Variants in DCLK1 observed in about 807,000 individuals in gnomAD.
DCLK1 encodes doublecortin like kinase 1.
Under a neutral mutation model 86.2 loss-of-function variants are expected in DCLK1, and 16 were observed. That is an observed-to-expected ratio of 0.19 (90% CI 0.13 to 0.28). DCLK1 has a LOEUF of 0.28. Ranked by LOEUF, DCLK1 falls within the 10% of genes least tolerant of loss-of-function variation. The probability of loss-of-function intolerance (pLI) is 1.00; values close to 1 mark genes in which losing one functional copy is unlikely to be tolerated. For missense variants in DCLK1, 590 were observed against 940.2 expected (o/e 0.63, Z 4.87); for synonymous variants, 369 against 370.5 (o/e 1.00, Z 0.05).
At chr13:35,933,170 C>A (rs1396907246) in intron 4 of DCLK1, among the ~76,000 whole-genome samples, 2 of 152,216 alleles carry the variant, frequency 1.3e-5, no homozygotes, top group African/African-American at 4.8e-5. Flanking sequence ...CCAGGCCATG[C>A]TGATGCAAGA....
chr13:35,895,306 G>A (rs1873892463), intron 4 of DCLK1, among the ~76,000 whole-genome samples: 1 of 150,890 alleles, frequency 6.6e-6, no homozygotes, highest in East Asian at 1.9e-4. Context: ...AAAAAAATTA[G>A]ATGAAAATTC....
At chr13:35,957,207 T>G (rs1004441761) in intron 3 of DCLK1, among the ~76,000 whole-genome samples, 1 of 151,876 alleles carries the variant, frequency 6.6e-6, no homozygotes, top group Non-Finnish European at 1.5e-5. Flanking sequence ...TACAGGAATC[T>G]TGGCATGCAG....
intron 4 of DCLK1, among the ~76,000 whole-genome samples, chr13:35,883,809 G>A (rs1434224552): frequency 6.6e-6 from 1 of 152,134 alleles, no homozygotes; most frequent in Non-Finnish European, 1.5e-5. Flanking sequence ...GATTGCATAG[G>A]GGCAGGTAGA....
chr13:35,867,949 G>GAAAGAAAGAAA (rs1555345744), intron 5 of DCLK1, among the ~76,000 whole-genome samples: 73 of 140,758 alleles, frequency 5.2e-4, no homozygotes, highest in African/African-American at 1.9e-3. Flanking sequence ...AAGAAAGAAA[G>GAAAGAAAGAAA]AAAGAAAGAA....
At chr13:35,922,365 A>G (rs749342961) in intron 4 of DCLK1, among the ~76,000 whole-genome samples, 1 of 152,150 alleles carries the variant, frequency 6.6e-6, no homozygotes, top group Non-Finnish European at 1.5e-5. Context: ...GAGAAGGACC[A>G]CATATCACCC....
Position 35,887,579 on chromosome 13 carries a change from G to T in DCLK1, c.824-16239C>A, listed in dbSNP as rs540170381. On this transcript the variant is annotated intron_variant, in intron 4 of 16. Transcript: ENST00000360631. ...GTGGGAAAGACTGATGAAGAAACGGGAATTTGGGAAATTCTATGGCCATTC... is the reference window on the plus strand; with the variant it reads ...GTGGGAAAGACTGATGAAGAAACGGTAATTTGGGAAATTCTATGGCCATTC... Among the ~76,000 whole-genome samples the T allele has an allele frequency of 7.8e-4, 118 of 152,116 alleles. 1 individual carries two copies. Among genetic ancestry groups the T allele is most frequent in the Middle Eastern group, 3.4e-3 (1 of 294 alleles).
intron 4 of DCLK1, among the ~76,000 whole-genome samples, chr13:35,883,157 T>C (rs1047111115): frequency 5.9e-5 from 9 of 152,104 alleles, no homozygotes; most frequent in Admixed American, 5.9e-4. Context: ...GATGAGAAGT[T>C]AGGAGGGGTT....
chr13:35,811,903 T>C (rs2087154102), intron 11 of DCLK1, among the ~76,000 whole-genome samples: 1 of 152,148 alleles, frequency 6.6e-6, no homozygotes, highest in Non-Finnish European at 1.5e-5. Flanking sequence ...ACTATACTTA[T>C]AGTAAAATAC....
At position 36,112,067 on chromosome 13, in the gene DCLK1, C is replaced by G. The variant is rs755492980; in HGVS notation, c.525G>C (p.Glu175Asp). 2 of 1,614,196 alleles carry G rather than the reference C, an allele frequency of 1.2e-6. No homozygotes were observed. The highest frequency in any genetic ancestry group is 1.1e-5 in the South Asian group (1 of 91,086). The change falls in exon 3 of 17, where the codon GAG (glutamate) becomes GAC (aspartate). Residue 175 changes from glutamate (E) to aspartate (D), a missense_variant. Around this residue, in one of 6 missense-constraint regions of DCLK1, gnomAD observed 195 missense variants for 365.1 expected, o/e 0.53. Transcript: ENST00000360631. ...GAATGAAATCCTTATTCTCTCGCACCTCTGAAGGGCTTCCTTTGGCAGTGG... is the reference window on the plus strand; with the variant it reads ...GAATGAAATCCTTATTCTCTCGCACGTCTGAAGGGCTTCCTTTGGCAGTGG... Reference protein sequence around the residue: ...SLATAKGSPSEVRENKDFIRP... With the variant: ...SLATAKGSPSDVRENKDFIRP...
chr13:35,844,938 T>A (rs1870064411), intron 6 of DCLK1, among the ~76,000 whole-genome samples: 1 of 152,200 alleles, frequency 6.6e-6, no homozygotes, highest in South Asian at 2.1e-4. Flanking sequence ...GGAACTTAAA[T>A]GGTAATTGCA....
At chr13:35,969,737 G>C (rs936752818) in intron 3 of DCLK1, among the ~76,000 whole-genome samples, 3 of 152,116 alleles carry the variant, frequency 2.0e-5, no homozygotes, top group African/African-American at 7.2e-5. Context: ...GTGGTGACTT[G>C]GTTGTTTGCT....
At chr13:36,126,212 TATA>T (rs748111457) in intron 1 of DCLK1, 56 bp from the exon 2 acceptor site, 369,679 of 1,303,884 alleles carry the variant, frequency 0.28, 55,514 homozygotes, top group East Asian at 0.55. Context: ...TATATATATA[TATA>T]TATTTTTTTG....
At chr13:35,829,433 C>A (rs1469860769) in intron 8 of DCLK1, among the ~76,000 whole-genome samples, 1 of 152,024 alleles carries the variant, frequency 6.6e-6, no homozygotes, top group Non-Finnish European at 1.5e-5. Context: ...CCAATGGACA[C>A]AAATAGTAAT....
rs771644583 is a variant in DCLK1 at position 35,836,158 on chromosome 13, T to A, written c.1121-17A>T. 4 of 1,587,648 alleles carry A rather than the reference T, an allele frequency of 2.5e-6. No individual in the cohort carries two copies. The highest frequency in any genetic ancestry group is 3.4e-6 in the Non-Finnish European group (4 of 1,162,890). ...CCGACACTTCTGAAAGAATCATTAA[T>A]ACTTTTTTATTGGTTGAAAAGGGAA... On this transcript the variant is annotated splice_polypyrimidine_tract_variant and intron_variant, in intron 7 of 16. Coordinates refer to ENST00000360631, the MANE Select transcript of DCLK1 (RefSeq NM_001330071.2).
intron 3 of DCLK1, among the ~76,000 whole-genome samples, chr13:36,000,691 A>G (rs553242225): frequency 7.7e-4 from 118 of 152,314 alleles, no homozygotes; most frequent in Non-Finnish European, 1.2e-3. Context: ...AGCCATCAAG[A>G]ATAATCACAA....
chr13:35,951,294 G>C (rs763779340), intron 3 of DCLK1, among the ~76,000 whole-genome samples: 1 of 151,428 alleles, frequency 6.6e-6, no homozygotes, highest in African/African-American at 2.4e-5. Context: ...TGGATGGATG[G>C]ATGGATGGAT....
chr13:36,125,685 A>T, intron 2 of DCLK1, 77 bp downstream of exon 2: 2 of 1,527,186 alleles, frequency 1.3e-6, no homozygotes, highest in Non-Finnish European at 1.8e-6. Flanking sequence ...CAGAGGGCAA[A>T]TGCGAATCGG....
intron 3 of DCLK1, among the ~76,000 whole-genome samples, chr13:36,111,401 C>T (rs1885614131): frequency 6.6e-6 from 1 of 152,284 alleles, no homozygotes; most frequent in Middle Eastern, 3.4e-3. Flanking sequence ...TTCTTAGATA[C>T]ATATTTTAAA....
intron 14 of DCLK1, among the ~76,000 whole-genome samples, chr13:35,807,525 T>C (rs9545421): frequency 0.14 from 21,697 of 152,262 alleles, 1,722 homozygotes; most frequent in African/African-American, 0.18. Flanking sequence ...TTCATTCATA[T>C]ACTTGTTCAT....
Sources: gnomAD v4.1 joint callset for allele counts (sites outside exome capture counted in the v4.1 genomes callset) on GRCh38, gnomAD v4.1.1 for gene constraint, gnomAD v4.1.1 regional missense constraint, MANE v1.5 for transcripts, NCBI Gene and HGNC (gene_info 2026-07-23, HGNC 2026-07-21) for gene names.